THEM4: variants seen among roughly 807,000 people sequenced by gnomAD.
THEM4 encodes the protein acyl-coenzyme A thioesterase THEM4.
Under a neutral mutation model 25.0 loss-of-function variants are expected in THEM4, and 22 were observed. That is an observed-to-expected ratio of 0.88 (90% CI 0.63 to 1.26). THEM4 has a LOEUF of 1.26. Among genes scored for constraint, THEM4 ranks in the 50% most tolerant of loss-of-function variants. THEM4 has a pLI of 0.00. For missense variants in THEM4, 286 were observed against 300.3 expected, an observed-to-expected ratio of 0.95 and a Z score of 0.35; for synonymous variants, 113 against 105.6, an observed-to-expected ratio of 1.07 and a Z score of -0.43.
At chr1:151,908,524 T>G (rs964004840) in intron 1 of THEM4, among the ~76,000 whole-genome samples, 4 of 152,254 alleles carry the variant, frequency 2.6e-5, no homozygotes, top group Admixed American at 2.6e-4. Flanking sequence ...TCTGAGCCTT[T>G]AAGTAAAGTT....
At chr1:151,908,700 A>G (rs1654529398) in intron 1 of THEM4, among the ~76,000 whole-genome samples, 1 of 152,162 alleles carries the variant, frequency 6.6e-6, no homozygotes, top group Non-Finnish European at 1.5e-5. Context: ...ATTTTGCTGG[A>G]AAAAGTGTTT....
chr1:151,895,053 G>T lies in THEM4; in HGVS notation c.241C>A (p.Arg81Ser), dbSNP rs754451699. The change falls in exon 2 of 6, where the codon CGT (arginine) becomes AGT (serine). Residue 81 changes from arginine to serine, a missense_variant. Coordinates refer to ENST00000368814, the MANE Select transcript of THEM4 (RefSeq NM_053055.5). ...GSWKRLPSYK[R>S]TPTEWIQDFK... ...TCTTGAATCCATTCAGTAGGTGTACGTTTATATGAAGGCAAACGTTTCCAG... is the reference window on the plus strand; with the variant it reads ...TCTTGAATCCATTCAGTAGGTGTACTTTTATATGAAGGCAAACGTTTCCAG... 1 of 1,614,044 alleles carries T rather than the reference G, an allele frequency of 6.2e-7. No individual in the cohort carries two copies. Among genetic ancestry groups the T allele is most frequent in the Admixed American group, 1.7e-5 (1 of 60,004 alleles).
chr1:151,899,467 G>T (rs1654302353), intron 1 of THEM4, among the ~76,000 whole-genome samples: 1 of 148,782 alleles, frequency 6.7e-6, no homozygotes, highest in Admixed American at 6.7e-5. Flanking sequence ...CTCCAGCCTG[G>T]GCGACAGAGT....
intron 1 of THEM4, among the ~76,000 whole-genome samples, chr1:151,908,114 T>C (rs1331377684): frequency 6.6e-6 from 1 of 152,238 alleles, no homozygotes; most frequent in Non-Finnish European, 1.5e-5. Flanking sequence ...CCAGGCATCC[T>C]TATCTCCTCT....
At position 151,909,455 on chromosome 1, in the gene THEM4, G is replaced by C. The variant is rs113370077; in HGVS notation, c.4C>G (p.Leu2Val). The change falls in exon 1 of 6, where the codon CTG becomes GTG. Residue 2 changes from leucine (L) to valine (V), a missense_variant. Leu to Val is a conservative substitution (Grantham distance 32, BLOSUM62 1). Coordinates refer to ENST00000368814, the MANE Select transcript of THEM4 (RefSeq NM_053055.5). ...CGGAGGCGCGCGGCGCAGCTCCTCA[G>C]CATGGCTCCGGGCCGCGGGGCCGCG... M[L>V]RSCAARLRTL... 1 of 1,410,816 alleles carries C rather than the reference G, an allele frequency of 7.1e-7. No homozygotes were observed. Among genetic ancestry groups the C allele is most frequent in the Non-Finnish European group, 9.2e-7 (1 of 1,091,910 alleles). The allele number at this position is 1,410,816 out of a possible 1,614,324, so 87.4% of individuals were successfully genotyped here.
At chr1:151,906,208 C>T (rs1038418728) in intron 1 of THEM4, among the ~76,000 whole-genome samples, 1 of 152,238 alleles carries the variant, frequency 6.6e-6, no homozygotes, top group African/African-American at 2.4e-5. Flanking sequence ...TGGGTGTGGG[C>T]TTGGCGGGCC....
In THEM4 at chr1:151,882,143, C is replaced by T. The variant is rs572825362; in HGVS notation, c.558-5018G>A. Among the ~76,000 whole-genome samples the T allele has an allele frequency of 5.3e-5, 8 of 151,326 alleles. No individual in the cohort carries two copies. The East Asian group carries it at 1.2e-3, about 22-fold the overall frequency. Reference sequence around the variant, plus strand: ...CTGTAATCCCAGCACTTTGGGAGGCCGAGGCGGATGGATCATGAGGCCAGG... The same window carrying T: ...CTGTAATCCCAGCACTTTGGGAGGCTGAGGCGGATGGATCATGAGGCCAGG... On this transcript the variant is annotated intron_variant, in intron 4 of 5. Transcript: ENST00000368814.
intron 4 of THEM4, among the ~76,000 whole-genome samples, chr1:151,881,529 G>A (rs1465173259): frequency 6.6e-6 from 1 of 152,114 alleles, no homozygotes; most frequent in African/African-American, 2.4e-5. Flanking sequence ...CTCTCCATTT[G>A]TTTGAATGAC....
intron 1 of THEM4, among the ~76,000 whole-genome samples, chr1:151,895,976 T>C (rs1181872092): frequency 6.6e-6 from 1 of 151,042 alleles, no homozygotes; most frequent in Non-Finnish European, 1.5e-5. Flanking sequence ...TGACTGTAAG[T>C]TTTCTTGCTT....
At chr1:151,901,091 C>A (rs1340360490) in intron 1 of THEM4, among the ~76,000 whole-genome samples, 1 of 152,202 alleles carries the variant, frequency 6.6e-6, no homozygotes. Flanking sequence ...TCTATAGAAA[C>A]AATGTTTATC....
At chr1:151,904,174 T>C (rs775784284) in intron 1 of THEM4, among the ~76,000 whole-genome samples, 10 of 152,158 alleles carry the variant, frequency 6.6e-5, no homozygotes, top group Non-Finnish European at 1.2e-4. Context: ...ACGTATCACA[T>C]TGGGGAACTG....
chr1:151,885,398 C>T (rs1200005345), intron 4 of THEM4, among the ~76,000 whole-genome samples: 3 of 152,226 alleles, frequency 2.0e-5, no homozygotes, highest in Admixed American at 6.5e-5. Context: ...GGATTACAGG[C>T]GTGAGCCACT....
In THEM4 at chr1:151,870,936, C is replaced by T. The variant is rs747008076; in HGVS notation, c.*3952G>A. 6.6e-5 allele frequency among the ~76,000 whole-genome samples: 10 copies of T among 152,286 alleles called. No individual in the cohort carries two copies. Among genetic ancestry groups the T allele is most frequent in the Non-Finnish European group, 1.0e-4 (7 of 68,030 alleles). ...ACCTGGGAGTAAGAGCAAAAACTCA[C>T]GGCCTAATTATGTTTACACTGATAG... is the stretch of plus-strand genomic sequence containing the variant. On this transcript the variant is annotated 3_prime_UTR_variant, in exon 6 of 6. Transcript: ENST00000368814.
rs114648110 is a variant in THEM4, at chr1:151,908,595, G to T, written c.99+765C>A. On this transcript the variant is annotated intron_variant, in intron 1 of 5. Transcript: ENST00000368814. ...AAGTTAGATAATAAGGGTGTTAAAA[G>T]AATTTTCTTAAGGAGTGCTCAGCTT... 3.8e-3 allele frequency among the ~76,000 whole-genome samples: 573 copies of T among 152,302 alleles called. 3 individuals are homozygous for T. The highest frequency in any genetic ancestry group is 0.013 in the African/African-American group (539 of 41,548).
rs554634230 is a variant in THEM4 at position 151,903,145 on chromosome 1, A to T, written c.99+6215T>A. Among the ~76,000 whole-genome samples, 69 of 152,188 alleles carry T rather than the reference A, an allele frequency of 4.5e-4. 1 individual carries two copies. Among genetic ancestry groups the T allele is most frequent in the Admixed American group, 4.1e-3 (62 of 15,280 alleles). ...TTGTAATCTTTTTCCATATATATAT[A>T]TTTTTTAATTGGTTCATCCTTCCAG... is the stretch of plus-strand genomic sequence containing the variant. On this transcript the variant is annotated intron_variant, in intron 1 of 5. Coordinates refer to ENST00000368814, the MANE Select transcript of THEM4 (RefSeq NM_053055.5).
intron 2 of THEM4, chr1:151,891,070 C>T (rs1654082611): frequency 6.6e-6 from 1 of 152,208 alleles, no homozygotes; most frequent in Admixed American, 6.5e-5. Context: ...AAAGCTACTA[C>T]TCTCAAGAGG....
intron 4 of THEM4, among the ~76,000 whole-genome samples, chr1:151,883,386 A>T (rs919436365): frequency 6.6e-6 from 1 of 152,000 alleles, no homozygotes; most frequent in Admixed American, 6.6e-5. Flanking sequence ...AAATGCTGGG[A>T]TTACAGGCGT....
chr1:151,901,849 A>C (rs1032891285), intron 1 of THEM4, among the ~76,000 whole-genome samples: 55 of 152,154 alleles, frequency 3.6e-4, no homozygotes, highest in Admixed American at 2.6e-3. Context: ...GTCTCAGAAA[A>C]AAACAAACAA....
chr1:151,900,027 C>T (rs1654317676), intron 1 of THEM4, among the ~76,000 whole-genome samples: 3 of 152,176 alleles, frequency 2.0e-5, no homozygotes, highest in Admixed American at 2.0e-4. Flanking sequence ...AAACAATTAT[C>T]AGCCAAGAAT....
Sources: gnomAD v4.1 joint callset for allele counts (sites outside exome capture counted in the v4.1 genomes callset) on GRCh38, gnomAD v4.1.1 for gene constraint, MANE v1.5 for transcripts, NCBI Gene and HGNC (gene_info 2026-07-23, HGNC 2026-07-21) for gene names.